GCC2: variants seen among roughly 807,000 people sequenced by gnomAD.
The protein encoded by GCC2 is GRIP and coiled-coil domain-containing protein 2.
GCC2 carries 120 observed loss-of-function variants against 210.6 expected under a neutral mutation model. The ratio of observed to expected loss-of-function variants is 0.57; its 90% confidence interval spans 0.49 to 0.66. GCC2 has a LOEUF of 0.66. GCC2 is among the 30% of genes least tolerant of loss of function. The probability of loss-of-function intolerance (pLI) is 0.00; values close to 1 mark genes in which losing one functional copy is unlikely to be tolerated. For missense variants in GCC2, 1,868 were observed against 1,871.9 expected, an observed-to-expected ratio of 1.00 and a Z score of 0.04; for synonymous variants, 703 against 652.7, an observed-to-expected ratio of 1.08 and a Z score of -1.17.
chr2:108,473,791 T>C (rs1367678062), intron 7 of GCC2, among the ~76,000 whole-genome samples: 1 of 152,064 alleles, frequency 6.6e-6, no homozygotes, highest in Admixed American at 6.6e-5. Context: ...TAGAATGCTA[T>C]GCAAATCTGG....
intron 13 of GCC2, 39 bp downstream of exon 13, chr2:108,484,350 C>A: frequency 8.4e-7 from 1 of 1,184,658 alleles, no homozygotes; most frequent in Non-Finnish European, 1.2e-6. Flanking sequence ...TTAATTATTT[C>A]ATCATAACAA....
chr2:108,508,185 C>G lies in GCC2; in HGVS notation c.*555C>G, dbSNP rs1558767100. Reference sequence around the variant, plus strand: ...ATAAAATAAAAATAACGTTTTATGACTATTTATTGCAAGGTCAGAGTTACA... The same window carrying G: ...ATAAAATAAAAATAACGTTTTATGAGTATTTATTGCAAGGTCAGAGTTACA... On this transcript the variant is annotated 3_prime_UTR_variant, in exon 23 of 23. Transcript: ENST00000309863. 1 of 150,898 alleles carries G rather than the reference C, an allele frequency of 6.6e-6. No individual in the cohort carries two copies. The highest frequency in any genetic ancestry group is 2.4e-5 in the African/African-American group (1 of 41,152). The allele number at this position is 150,898 out of a possible 1,614,324, so 9.3% of individuals were successfully genotyped here.
intron 22 of GCC2, among the ~76,000 whole-genome samples, chr2:108,505,022 A>G (rs922260104): frequency 7.2e-5 from 11 of 152,192 alleles, no homozygotes; most frequent in Admixed American, 1.3e-4. Flanking sequence ...TCAGAAAACA[A>G]CCTTCCAAGG....
intron 4 of GCC2, among the ~76,000 whole-genome samples, chr2:108,456,210 C>A (rs1276119509): frequency 2.0e-5 from 3 of 152,102 alleles, no homozygotes; most frequent in Non-Finnish European, 2.9e-5. Context: ...TGGTCTCGAT[C>A]CCCTGACCAC....
chr2:108,464,731 A>G (rs907615087), intron 4 of GCC2, among the ~76,000 whole-genome samples: 2 of 152,192 alleles, frequency 1.3e-5, no homozygotes, highest in Middle Eastern at 3.4e-3. Flanking sequence ...CTATGGGAAA[A>G]ATGGAAGGAT....
At chr2:108,468,312 C>T (rs887720939) in intron 4 of GCC2, among the ~76,000 whole-genome samples, 1 of 152,082 alleles carries the variant, frequency 6.6e-6, no homozygotes, top group African/African-American at 2.4e-5. Context: ...GTGATCTGCC[C>T]ACCTCTGCCT....
intron 4 of GCC2, among the ~76,000 whole-genome samples, chr2:108,456,027 C>T (rs1240106412): frequency 6.6e-6 from 1 of 151,856 alleles, no homozygotes; most frequent in Non-Finnish European, 1.5e-5. Flanking sequence ...CTCTGTCGCC[C>T]AGGCTGTAGT....
chr2:108,470,831 TAAGTC>T lies in GCC2; in HGVS notation c.1506_1510del (p.Ser502ArgfsTer12), dbSNP rs746744919. 1.3e-5 allele frequency: 21 copies of T among 1,613,722 alleles called. No individual in the cohort carries two copies. Among genetic ancestry groups the T allele is most frequent in the Middle Eastern group, 1.6e-4 (1 of 6,062 alleles). On this transcript the variant is annotated frameshift_variant, in exon 6 of 23. Coordinates refer to ENST00000309863, the MANE Select transcript of GCC2 (RefSeq NM_181453.4). LOFTEE classifies it high-confidence loss of function. Reference sequence around the variant, plus strand: ...GAACTGGGGGAATCTGCTGGAAAAATAAGTCAAGAGTTCGAATCAATGAAGCAACA... The same window carrying T: ...GAACTGGGGGAATCTGCTGGAAAAATAAGAGTTCGAATCAATGAAGCAACA...
intron 13 of GCC2, 112 bp downstream of exon 13, chr2:108,484,423 T>C: frequency 1.6e-6 from 1 of 619,558 alleles, no homozygotes; most frequent in African/African-American, 1.9e-5. Flanking sequence ...GTCAGGTGTT[T>C]AACACAGTGA....
chr2:108,494,651 A>G (rs1558758090), intron 19 of GCC2: 1 of 152,220 alleles, frequency 6.6e-6, no homozygotes, highest in Admixed American at 6.5e-5. Flanking sequence ...AATTTTGGCC[A>G]GTATTTAGCA....
At position 108,449,228 on chromosome 2, in the gene GCC2, GC is replaced by G; in HGVS notation, c.-46del. The G allele has an allele frequency of 6.5e-7, 1 of 1,542,324 alleles. No individual in the cohort carries two copies. The highest frequency in any genetic ancestry group is 1.4e-5 in the African/African-American group (1 of 73,012). The stretch of plus-strand genomic sequence containing the variant: ...GTCAGAGGCTGGCGCAAACAGAAGT[GC>G]AGCGGTGGCGGCGGCTGGTTGCGGG... On this transcript the variant is annotated 5_prime_UTR_variant, in exon 1 of 23. Transcript: ENST00000309863.
At chr2:108,452,254 A>G in intron 3 of GCC2, 145 bp from the exon 4 acceptor site, 1 of 643,422 alleles carries the variant, frequency 1.6e-6, no homozygotes, top group East Asian at 2.8e-5. Flanking sequence ...TATAGTGATG[A>G]GTGCAGAGAT....
In GCC2 at chr2:108,474,538, A is replaced by G. The variant is rs566200628; in HGVS notation, c.2861-997A>G. Among the ~76,000 whole-genome samples, 3 of 152,364 alleles carry G rather than the reference A, an allele frequency of 2.0e-5. No individual in the cohort carries two copies. The East Asian group carries it at 5.8e-4, about 29-fold the overall frequency. ...AATGGGGGAGGCAATGTTTGAGAGC[A>G]TATATAGACAACTCTTTTCAAGGGA... On this transcript the variant is annotated intron_variant, in intron 7 of 22. Transcript: ENST00000309863.
rs1573252391 is a variant in GCC2 at position 108,507,727 on chromosome 2, T to C, written c.*97T>C. 1.2e-6 allele frequency: 1 copy of C among 861,950 alleles called. No individual in the cohort carries two copies. Among genetic ancestry groups the C allele is most frequent in the East Asian group, 2.5e-5 (1 of 39,676 alleles). The allele number at this position is 861,950 out of a possible 1,614,324, so 53.4% of individuals were successfully genotyped here. A position where few individuals can be genotyped will look rare whatever the true frequency, so the allele number is the denominator to read the frequency against. On this transcript the variant is annotated 3_prime_UTR_variant, in exon 23 of 23. Coordinates refer to ENST00000309863, the MANE Select transcript of GCC2 (RefSeq NM_181453.4). ...ATTCTTTTGTCAAAAAGTGTGTATA[T>C]ATGTTTGCATCTACATATATTTGTA...
At chr2:108,506,145 C>G (rs534668448) in intron 22 of GCC2, among the ~76,000 whole-genome samples, 32 of 152,174 alleles carry the variant, frequency 2.1e-4, no homozygotes, top group African/African-American at 6.3e-4. Flanking sequence ...AATTATATCT[C>G]CAAAACATTT....
In GCC2 at chr2:108,471,897, C is replaced by A. The variant is rs894451722; in HGVS notation, c.2568C>A (p.Ala856=). ...AAGAAATACAGTCAGAAAAAGAGGC[C>A]CTGCAGTCTGATCTTCTAGAAATGA... The part of the protein sequence containing the change: ...ELEEIQSEKE[A]LQSDLLEMKN... Residue 856 remains alanine (A), a synonymous_variant, in exon 6 of 23, where the codon GCC becomes GCA. Transcript: ENST00000309863. The A allele has an allele frequency of 6.2e-7, 1 of 1,603,530 alleles. No homozygotes were observed. Among genetic ancestry groups the A allele is most frequent in the African/African-American group, 1.4e-5 (1 of 74,070 alleles).
At chr2:108,454,009 G>T (rs58279800) in intron 4 of GCC2, among the ~76,000 whole-genome samples, 56,851 of 151,670 alleles carry the variant, frequency 0.37, 12,334 homozygotes, top group East Asian at 0.89. Context: ...TATTTATTTT[G>T]AGACAGAGTC....
In GCC2 at chr2:108,483,110, C is replaced by T; in HGVS notation, c.3394C>T (p.Gln1132Ter). Residue 1132 changes from glutamine to a stop codon, truncating the protein, a stop_gained, in exon 12 of 23, where the codon CAA becomes TAA. Transcript: ENST00000309863. LOFTEE classifies it high-confidence loss of function. ...ACTTGAAGAACTTCAGGTACAACTTCAAAAGCAAAAGAAACAGCTTCAGAA... is the reference window on the plus strand; with the variant it reads ...ACTTGAAGAACTTCAGGTACAACTTTAAAAGCAAAAGAAACAGCTTCAGAA... ...NELEELQVQL[Q>*]KQKKQLQKTM... 1 of 1,597,680 alleles carries T rather than the reference C, an allele frequency of 6.3e-7. No homozygotes were observed. Among genetic ancestry groups the T allele is most frequent in the Non-Finnish European group, 8.6e-7 (1 of 1,165,480 alleles).
chr2:108,469,953 C>T lies in GCC2; in HGVS notation c.624C>T (p.Thr208=), dbSNP rs1681101479. ...ATCTGCAAAAGCAATTAGACGCTACCACTGATGAAAAGAAGGAAACAGTTA... is the reference window on the plus strand; with the variant it reads ...ATCTGCAAAAGCAATTAGACGCTACTACTGATGAAAAGAAGGAAACAGTTA... ...ILYLQKQLDA[T]TDEKKETVTQ... is the part of the protein sequence containing the mutation. The change falls in exon 6 of 23, where the codon ACC becomes ACT. Residue 208 remains threonine (T), a synonymous_variant. Transcript: ENST00000309863. 2 of 1,613,176 alleles carry T rather than the reference C, an allele frequency of 1.2e-6. No individual in the cohort carries two copies. Among genetic ancestry groups the T allele is most frequent in the African/African-American group, 1.3e-5 (1 of 74,882 alleles).
Sources: allele counts gnomAD v4.1 joint callset (sites outside exome capture counted in the v4.1 genomes callset), GRCh38; gene constraint gnomAD v4.1.1; transcripts MANE v1.5; gene names NCBI Gene and HGNC (gene_info 2026-07-23, HGNC 2026-07-21).